ATP6V1H: variants seen among roughly 807,000 people sequenced by gnomAD.
ATP6V1H encodes the protein ATPase H+ transporting V1 subunit H.
A neutral mutation model predicts 71.7 loss-of-function variants in ATP6V1H; 39 were observed. The observed-to-expected ratio is 0.54, with a 90% CI of 0.42 to 0.71. The LOEUF (loss-of-function observed/expected upper bound fraction) is 0.71. ATP6V1H is among the 30% of genes least tolerant of loss of function. ATP6V1H has a pLI of 0.00. For synonymous variants in ATP6V1H, 192 were observed against 199.3 expected, an observed-to-expected ratio of 0.96 and a Z score of 0.31; for missense variants, 509 against 594.9, an observed-to-expected ratio of 0.86 and a Z score of 1.50.
At position 53,818,650 on chromosome 8, in the gene ATP6V1H, T is replaced by C. The variant is rs146792821; in HGVS notation, c.307-1120A>G. 2.3e-3 allele frequency among the ~76,000 whole-genome samples: 344 copies of C among 152,304 alleles called. 2 individuals carry two copies. Among genetic ancestry groups the C allele is most frequent in the African/African-American group, 7.8e-3 (326 of 41,562 alleles). On this transcript the variant is annotated intron_variant, in intron 4 of 13. Coordinates refer to ENST00000359530, the MANE Select transcript of ATP6V1H (RefSeq NM_015941.4). ...TTAAGAGAATAAGGATAAAGAAATC[T>C]TTCCGGTCAGGTACACTTAGCAACT...
At chr8:53,808,875 A>C (rs1244510549) in intron 7 of ATP6V1H, among the ~76,000 whole-genome samples, 1 of 152,210 alleles carries the variant, frequency 6.6e-6, no homozygotes, top group Non-Finnish European at 1.5e-5. Context: ...CATTTTAAAA[A>C]AGGTAAGACT....
intron 12 of ATP6V1H, among the ~76,000 whole-genome samples, chr8:53,754,175 C>T (rs1209761497): frequency 6.6e-6 from 1 of 152,152 alleles, no homozygotes; most frequent in Non-Finnish European, 1.5e-5. Context: ...AGTGCCTCGT[C>T]TTGCAAGAAG....
At position 53,745,504 on chromosome 8, in the gene ATP6V1H, G is replaced by A. The variant is rs145655980; in HGVS notation, c.1278-1814C>T. ...AGCCCCACTGAGCTTCACAGAGCAC[G>A]GTCACAGGCTGCTTGTTCTCTAGAC... On this transcript the variant is annotated intron_variant, in intron 12 of 13. Transcript: ENST00000359530. 4.7e-3 allele frequency among the ~76,000 whole-genome samples: 715 copies of A among 152,246 alleles called. 5 individuals carry two copies. Among genetic ancestry groups the A allele is most frequent in the Middle Eastern group, 0.037 (11 of 294 alleles).
chr8:53,723,780 T>A (rs2130091879), intron 13 of ATP6V1H, among the ~76,000 whole-genome samples: 1 of 152,278 alleles, frequency 6.6e-6, no homozygotes, highest in Admixed American at 6.5e-5. Flanking sequence ...GGCCGTTGAG[T>A]CCTTCCCATG....
chr8:53,830,337 A>G lies in ATP6V1H; in HGVS notation c.217-804T>C, dbSNP rs1384154733. 2.0e-4 allele frequency among the ~76,000 whole-genome samples: 31 copies of G among 152,176 alleles called. 1 individual carries two copies. The highest frequency in any genetic ancestry group is 2.0e-3 in the Admixed American group (31 of 15,262). On this transcript the variant is annotated intron_variant, in intron 3 of 13. Coordinates refer to ENST00000359530, the MANE Select transcript of ATP6V1H (RefSeq NM_015941.4). ...TATTCACTCATTCAATAAATCCCCA[A>G]TGTAACAAACAGCATGTGATAAAAA... is the stretch of plus-strand genomic sequence containing the variant.
chr8:53,732,071 T>C (rs548219315), intron 13 of ATP6V1H, among the ~76,000 whole-genome samples: 1 of 152,248 alleles, frequency 6.6e-6, no homozygotes, highest in Admixed American at 6.5e-5. Flanking sequence ...TCACCCACAG[T>C]GTGCCTTTAT....
At chr8:53,785,348 C>T (rs923241953) in intron 9 of ATP6V1H, among the ~76,000 whole-genome samples, 3 of 152,206 alleles carry the variant, frequency 2.0e-5, no homozygotes, top group African/African-American at 7.2e-5. Flanking sequence ...GAGGCTTGTG[C>T]ATTCATCACA....
chr8:53,751,508 G>T (rs1198571316), intron 12 of ATP6V1H, among the ~76,000 whole-genome samples: 3 of 152,154 alleles, frequency 2.0e-5, no homozygotes, highest in African/African-American at 7.2e-5. Flanking sequence ...GTATAAAACT[G>T]CTTTTCCAAT....
chr8:53,838,299 A>G (rs1374246697), intron 2 of ATP6V1H, among the ~76,000 whole-genome samples: 1 of 151,886 alleles, frequency 6.6e-6, no homozygotes, highest in Non-Finnish European at 1.5e-5. Context: ...CTAATTTTTT[A>G]GTAGAGATGA....
intron 7 of ATP6V1H, among the ~76,000 whole-genome samples, chr8:53,805,130 T>C (rs1270013327): frequency 6.6e-6 from 1 of 152,246 alleles, no homozygotes; most frequent in Admixed American, 6.5e-5. Context: ...TTTTCAATAT[T>C]CATCTTCATA....
chr8:53,820,363 G>C (rs1810608379), intron 4 of ATP6V1H, among the ~76,000 whole-genome samples: 1 of 150,762 alleles, frequency 6.6e-6, no homozygotes, highest in African/African-American at 2.4e-5. Context: ...AACAAAAGAG[G>C]AAACTTTAGG....
At chr8:53,735,412 T>TA (rs1468628042) in intron 13 of ATP6V1H, among the ~76,000 whole-genome samples, 1 of 152,188 alleles carries the variant, frequency 6.6e-6, no homozygotes, top group Non-Finnish European at 1.5e-5. Flanking sequence ...ACATGCTGCC[T>TA]ACCAGCCACA....
At chr8:53,743,314 T>A (rs1338394323) in intron 13 of ATP6V1H, among the ~76,000 whole-genome samples, 2 of 152,234 alleles carry the variant, frequency 1.3e-5, no homozygotes, top group Non-Finnish European at 2.9e-5. Flanking sequence ...GACTGACTTA[T>A]GTCACAGGGT....
At chr8:53,771,286 G>C (rs143113137) in intron 10 of ATP6V1H, among the ~76,000 whole-genome samples, 1 of 152,286 alleles carries the variant, frequency 6.6e-6, no homozygotes, top group African/African-American at 2.4e-5. Context: ...TTTCCAGAGA[G>C]TAACTCTTTT....
chr8:53,742,214 T>C (rs1260467139), intron 13 of ATP6V1H, among the ~76,000 whole-genome samples: 1 of 152,172 alleles, frequency 6.6e-6, no homozygotes, highest in Non-Finnish European at 1.5e-5. Context: ...TTGCCCAACA[T>C]TGGCACTCAC....
At chr8:53,784,535 A>C (rs1809297588) in intron 9 of ATP6V1H, among the ~76,000 whole-genome samples, 1 of 152,224 alleles carries the variant, frequency 6.6e-6, no homozygotes, top group Non-Finnish European at 1.5e-5. Context: ...TAGCCCATTT[A>C]CATTGAAGGT....
At chr8:53,803,171 T>C (rs571384233) in intron 7 of ATP6V1H, among the ~76,000 whole-genome samples, 2 of 152,068 alleles carry the variant, frequency 1.3e-5, no homozygotes, top group Non-Finnish European at 2.9e-5. Flanking sequence ...ACTCCATCTC[T>C]ACTAAAAATA....
At chr8:53,773,121 C>T (rs1369662179) in intron 9 of ATP6V1H, among the ~76,000 whole-genome samples, 3 of 152,058 alleles carry the variant, frequency 2.0e-5, no homozygotes, top group Admixed American at 2.0e-4. Flanking sequence ...GAGTAGTTTG[C>T]CTTATTTTTC....
chr8:53,767,875 T>C (rs1361262732), intron 11 of ATP6V1H, among the ~76,000 whole-genome samples: 1 of 152,122 alleles, frequency 6.6e-6, no homozygotes, highest in South Asian at 2.1e-4. Flanking sequence ...TGTGAAAACA[T>C]GGGAGTAAAT....
Sources: allele counts gnomAD v4.1 joint callset (sites outside exome capture counted in the v4.1 genomes callset), GRCh38; gene constraint gnomAD v4.1.1; transcripts MANE v1.5; gene names NCBI Gene and HGNC (gene_info 2026-07-23, HGNC 2026-07-21).